ADA2: variants seen among roughly 807,000 people sequenced by gnomAD.
The protein encoded by ADA2 is adenosine deaminase CECR1.
ADA2 carries 29 observed loss-of-function variants against 44.2 expected under a neutral mutation model. The ratio of observed to expected loss-of-function variants is 0.66; its 90% confidence interval spans 0.49 to 0.89. The LOEUF (loss-of-function observed/expected upper bound fraction) is 0.89, where lower values mean the gene tolerates loss of function less well. Ranked by LOEUF, ADA2 falls within the 40% of genes least tolerant of loss-of-function variation. ADA2 has a pLI of 0.00. For synonymous variants in ADA2, 215 were observed against 234.9 expected, an observed-to-expected ratio of 0.92 and a Z score of 0.77; for missense variants, 637 against 644.8, an observed-to-expected ratio of 0.99 and a Z score of 0.13.
chr22:17,199,438 T>TCTTCCCCTCCCACCCCACCACTATCCA, intron 4 of ADA2: 1 of 995,470 alleles, frequency 1.0e-6, no homozygotes, highest in Non-Finnish European at 1.6e-6. Context: ...TCCTCTATCC[T>TCTTCCCCTCCCACCCCACCACTATCCA]CTTCCCCTCC....
At position 17,188,213 on chromosome 22, in the gene ADA2, G is replaced by A. The variant is rs186426805; in HGVS notation, c.1081+126C>T. 4.5e-4 allele frequency: 278 copies of A among 612,852 alleles called. 3 individuals carry two copies. The East Asian group carries it at 7.5e-3, about 17-fold the overall frequency. The allele number at this position is 612,852 out of a possible 1,614,324, so 38.0% of individuals were successfully genotyped here. A position where few individuals can be genotyped will look rare whatever the true frequency, so the allele number is the denominator to read the frequency against. On this transcript the variant is annotated intron_variant, in intron 7 of 9. Transcript: ENST00000399837. The stretch of plus-strand genomic sequence containing the variant: ...TCCATGGGGCTGTTGTCAGGATTAA[G>A]TGAGATAGAGCACAGGAAAGGGCTC...
At chr22:17,198,281 T>C (rs2062219587) in intron 4 of ADA2, among the ~76,000 whole-genome samples, 1 of 152,110 alleles carries the variant, frequency 6.6e-6, no homozygotes, top group South Asian at 2.1e-4. Flanking sequence ...CAAATCAGAA[T>C]CTGTGGGGTA....
At chr22:17,206,269 C>T (rs1237897903) in intron 3 of ADA2, among the ~76,000 whole-genome samples, 1 of 151,982 alleles carries the variant, frequency 6.6e-6, no homozygotes, top group African/African-American at 2.4e-5. Flanking sequence ...CCAGCCTGGC[C>T]AACATGGTGA....
chr22:17,211,541 G>A (rs2062418145), intron 1 of ADA2, among the ~76,000 whole-genome samples: 1 of 151,932 alleles, frequency 6.6e-6, no homozygotes, highest in Non-Finnish European at 1.5e-5. Flanking sequence ...GCTGAGGTGG[G>A]AAGTTCACCT....
intron 7 of ADA2, among the ~76,000 whole-genome samples, chr22:17,187,148 CA>C (rs2062044836): frequency 7.3e-6 from 1 of 136,716 alleles, no homozygotes; most frequent in South Asian, 2.3e-4. Context: ...GCCTGGGCCA[CA>C]GAGCGAGACT....
chr22:17,203,827 C>T, intron 3 of ADA2, 54 bp from the exon 4 acceptor site: 1 of 1,287,700 alleles, frequency 7.8e-7, no homozygotes, highest in Non-Finnish European at 1.1e-6. Flanking sequence ...GACACTGCCC[C>T]CGGGCGCCCA....
chr22:17,193,251 C>A, intron 4 of ADA2: 2 of 899,150 alleles, frequency 2.2e-6, no homozygotes, highest in Non-Finnish European at 3.6e-6. Context: ...AAAGAGCTGC[C>A]CAGCTGGTCA....
At position 17,207,188 on chromosome 22, in the gene ADA2, C is replaced by A; in HGVS notation, c.425G>T (p.Gly142Val). 6.2e-7 allele frequency: 1 copy of A among 1,614,150 alleles called. No homozygotes were observed. Among genetic ancestry groups the A allele is most frequent in the Non-Finnish European group, 8.5e-7 (1 of 1,180,002 alleles). Residue 142 changes from glycine to valine, a missense_variant, in exon 3 of 10, where the codon GGG becomes GTG. Gly to Val is a moderately radical substitution (Grantham distance 109). Transcript: ENST00000399837. ...PHCHICFTPRGIMQFRFAHPT... is the reference protein window; with the variant it reads ...PHCHICFTPRVIMQFRFAHPT... ...GTGAGCAAATCTGAACTGCATGATCCCCCTTGGGGTGAAACAGATGTGGCA... is the reference window on the plus strand; with the variant it reads ...GTGAGCAAATCTGAACTGCATGATCACCCTTGGGGTGAAACAGATGTGGCA...
At chr22:17,220,614 G>T (rs189658815), upstream of ADA2, among the ~76,000 whole-genome samples, 310 of 151,900 alleles carry the variant, frequency 2.0e-3, 1 homozygote, top group Admixed American at 4.5e-3. Context: ...GACATGGGAG[G>T]CTACACCAGG....
intron 1 of ADA2, chr22:17,213,683 G>A (rs531743810): frequency 4.0e-6 from 1 of 250,506 alleles, no homozygotes; most frequent in African/African-American, 2.3e-5. Flanking sequence ...TGGACAAGTG[G>A]ACCCCGGCCC....
At chr22:17,185,398 G>C (rs568426289) in intron 7 of ADA2, among the ~76,000 whole-genome samples, 2 of 150,004 alleles carry the variant, frequency 1.3e-5, no homozygotes, top group East Asian at 3.9e-4. Flanking sequence ...CCTGGGGACA[G>C]AGCGAGACTC....
At chr22:17,203,879 C>T in intron 3 of ADA2, 106 bp from the exon 4 acceptor site, 1 of 712,124 alleles carries the variant, frequency 1.4e-6, no homozygotes, top group South Asian at 1.6e-5. Context: ...TAGCAGCTCA[C>T]AGGATTCACC....
chr22:17,212,562 C>A (rs1483902132), intron 1 of ADA2, among the ~76,000 whole-genome samples: 1 of 152,044 alleles, frequency 6.6e-6, no homozygotes, highest in Non-Finnish European at 1.5e-5. Context: ...GCGTGAGTCA[C>A]CATGCCCGGC....
chr22:17,182,484 T>C, intron 8 of ADA2, 120 bp downstream of exon 8: 2 of 985,200 alleles, frequency 2.0e-6, no homozygotes, highest in South Asian at 3.0e-5. Context: ...GGTAGGAGAG[T>C]GGAGGGATGT....
At chr22:17,189,827 T>C in intron 6 of ADA2, 115 bp downstream of exon 6, 1 of 716,378 alleles carries the variant, frequency 1.4e-6, no homozygotes, top group Non-Finnish European at 2.5e-6. Flanking sequence ...CCCTGGGATG[T>C]CAGGGTACCA....
chr22:17,220,268 G>A (rs2062513697), upstream of ADA2, among the ~76,000 whole-genome samples: 1 of 152,114 alleles, frequency 6.6e-6, no homozygotes, highest in Admixed American at 6.5e-5. Context: ...CAAGAGCTGG[G>A]GTGTGAAGAG....
At position 17,207,190 on chromosome 22, in the gene ADA2, C is replaced by A. The variant is rs751109906; in HGVS notation, c.423G>T (p.Arg141Ser). ...RPHCHICFTPRGIMQFRFAHP... is the reference protein window; with the variant it reads ...RPHCHICFTPSGIMQFRFAHP... ...GAGCAAATCTGAACTGCATGATCCCCCTTGGGGTGAAACAGATGTGGCAGT... is the reference window on the plus strand; with the variant it reads ...GAGCAAATCTGAACTGCATGATCCCACTTGGGGTGAAACAGATGTGGCAGT... The change falls in exon 3 of 10, where the codon AGG becomes AGT. Residue 141 changes from arginine to serine, a missense_variant. Coordinates refer to ENST00000399837, the MANE Select transcript of ADA2 (RefSeq NM_001282225.2). 2 of 1,614,198 alleles carry A rather than the reference C, an allele frequency of 1.2e-6. No homozygotes were observed. The highest frequency in any genetic ancestry group is 2.2e-5 in the South Asian group (2 of 91,078).
chr22:17,181,377 C>T lies in ADA2; in HGVS notation c.*106G>A. The T allele has an allele frequency of 1.2e-6, 1 of 800,494 alleles. No individual in the cohort carries two copies. Among genetic ancestry groups the T allele is most frequent in the Non-Finnish European group, 2.2e-6 (1 of 450,474 alleles). 49.6% of individuals were successfully genotyped at this position (800,494 alleles called of 1,614,324 possible). On this transcript the variant is annotated 3_prime_UTR_variant, in exon 10 of 10. Coordinates refer to ENST00000399837, the MANE Select transcript of ADA2 (RefSeq NM_001282225.2). The stretch of plus-strand genomic sequence containing the variant: ...GTGCTTCTCACAGGGTCGCTCCATA[C>T]AGAGGCCATTGATTTCATGGGCACA...
chr22:17,216,813 A>G (rs1396840031), intron 1 of ADA2, among the ~76,000 whole-genome samples: 1 of 150,816 alleles, frequency 6.6e-6, no homozygotes, highest in Non-Finnish European at 1.5e-5. Context: ...GAGAGACTCA[A>G]ATAAAATGGA....
Sources: gnomAD v4.1 joint callset for allele counts (sites outside exome capture counted in the v4.1 genomes callset) on GRCh38, gnomAD v4.1.1 for gene constraint, MANE v1.5 for transcripts, NCBI Gene and HGNC (gene_info 2026-07-23, HGNC 2026-07-21) for gene names.